The following CDH13 variants were observed in gnomAD, a reference collection of about 807,000 sequenced individuals.
CDH13 encodes the protein cadherin 13, also known as cadherin-13.
Under a neutral mutation model 63.8 loss-of-function variants are expected in CDH13, and 24 were observed. That is an observed-to-expected ratio of 0.38 (90% CI 0.27 to 0.53). The LOEUF (loss-of-function observed/expected upper bound fraction) is 0.53, where lower values mean the gene tolerates loss of function less well. Ranked by LOEUF, CDH13 falls within the 20% of genes least tolerant of loss-of-function variation. The probability of loss-of-function intolerance (pLI) is 0.85; values close to 1 mark genes in which losing one functional copy is unlikely to be tolerated. For missense variants in CDH13, 1,049 were observed against 903.1 expected (o/e 1.16, Z -2.07); for synonymous variants, 503 against 355.3 (o/e 1.42, Z -4.67).
At position 83,210,122 on chromosome 16, in the gene CDH13, T is replaced by C. The variant is rs542444628; in HGVS notation, c.484-7223T>C. On this transcript the variant is annotated intron_variant, in intron 4 of 13. Coordinates refer to ENST00000567109, the MANE Select transcript of CDH13 (RefSeq NM_001257.5). ...CTCTGTCATCCAGGCTAGAGTGCAG[T>C]GGTGTGATCTTGGCTCACTGCAACC... is the stretch of plus-strand genomic sequence containing the variant. 7.3e-5 allele frequency among the ~76,000 whole-genome samples: 11 copies of C among 151,260 alleles called. No individual in the cohort carries two copies. The East Asian group carries it at 2.1e-3, about 29-fold the overall frequency.
At chr16:83,023,519 T>G (rs766873664) in intron 2 of CDH13, among the ~76,000 whole-genome samples, 3 of 152,208 alleles carry the variant, frequency 2.0e-5, no homozygotes, top group Non-Finnish European at 4.4e-5. Context: ...ATAGAGGTTT[T>G]GAGTATTTGT....
intron 1 of CDH13, among the ~76,000 whole-genome samples, chr16:82,751,967 C>T (rs1597474569): frequency 6.6e-6 from 1 of 152,212 alleles, no homozygotes; most frequent in Non-Finnish European, 1.5e-5. Flanking sequence ...CTTCCAGAAA[C>T]ATACAGGCTA....
intron 2 of CDH13, among the ~76,000 whole-genome samples, chr16:82,916,229 C>T (rs575754889): frequency 6.6e-6 from 1 of 152,258 alleles, no homozygotes; most frequent in East Asian, 1.9e-4. Context: ...AACCCACAGG[C>T]TCCCAGGGCC....
chr16:83,167,455 A>G (rs6565146), intron 4 of CDH13, among the ~76,000 whole-genome samples: 66,293 of 147,154 alleles, frequency 0.45, 16,824 homozygotes, highest in African/African-American at 0.69. Flanking sequence ...AGCTGAGATC[A>G]CACCATTGCA....
chr16:83,208,283 T>C (rs1238099174), intron 4 of CDH13, among the ~76,000 whole-genome samples: 2 of 152,178 alleles, frequency 1.3e-5, no homozygotes, highest in African/African-American at 4.8e-5. Flanking sequence ...TTGAGCAGCA[T>C]AAGGGTGAGA....
chr16:82,822,990 A>T (rs1473030059), intron 1 of CDH13, among the ~76,000 whole-genome samples: 1 of 151,996 alleles, frequency 6.6e-6, no homozygotes, highest in Non-Finnish European at 1.5e-5. Context: ...AGAGAGACAA[A>T]CCTCTGAGGG....
At chr16:83,070,363 G>A (rs1365705708) in intron 3 of CDH13, among the ~76,000 whole-genome samples, 1 of 152,156 alleles carries the variant, frequency 6.6e-6, no homozygotes, top group Non-Finnish European at 1.5e-5. Flanking sequence ...AATTCATAAA[G>A]TTGGATTAAA....
At chr16:82,897,725 C>A (rs1371968378) in intron 2 of CDH13, among the ~76,000 whole-genome samples, 1 of 152,252 alleles carries the variant, frequency 6.6e-6, no homozygotes, top group Non-Finnish European at 1.5e-5. Flanking sequence ...TGGAGAAATA[C>A]TCTGCCCTGC....
chr16:83,495,458 G>A (rs139316621), intron 7 of CDH13, among the ~76,000 whole-genome samples: 1 of 152,282 alleles, frequency 6.6e-6, no homozygotes, highest in African/African-American at 2.4e-5. Flanking sequence ...AGGCTTCAGA[G>A]AGACTAGATG....
At chr16:83,319,219 C>G (rs2090169769) in intron 5 of CDH13, among the ~76,000 whole-genome samples, 2 of 152,130 alleles carry the variant, frequency 1.3e-5, no homozygotes, top group East Asian at 3.8e-4. Flanking sequence ...TGTTTACCTA[C>G]TAATGTAATA....
chr16:83,157,188 A>G (rs1435221471), intron 4 of CDH13, among the ~76,000 whole-genome samples: 2 of 152,174 alleles, frequency 1.3e-5, no homozygotes, highest in African/African-American at 4.8e-5. Context: ...TTACTTTTTA[A>G]TAGCTAATTA....
intron 6 of CDH13, among the ~76,000 whole-genome samples, chr16:83,376,490 A>C (rs1051568345): frequency 1.1e-4 from 16 of 152,238 alleles, no homozygotes; most frequent in Non-Finnish European, 1.6e-4. Context: ...CAAAGATGTC[A>C]AAGTGACAGC....
intron 6 of CDH13, among the ~76,000 whole-genome samples, chr16:83,391,283 G>A (rs1338907725): frequency 1.3e-5 from 2 of 150,916 alleles, no homozygotes; most frequent in East Asian, 3.9e-4. Context: ...TTGGCTTACT[G>A]CAACCTCTGC....
intron 7 of CDH13, among the ~76,000 whole-genome samples, chr16:83,531,821 G>C (rs555218046): frequency 1.3e-5 from 2 of 152,268 alleles, no homozygotes; most frequent in African/African-American, 4.8e-5. Flanking sequence ...TTGGACTCCT[G>C]GCCTCCAAAA....
At chr16:83,430,696 A>C (rs181840095) in intron 6 of CDH13, among the ~76,000 whole-genome samples, 1 of 152,336 alleles carries the variant, frequency 6.6e-6, no homozygotes, top group East Asian at 1.9e-4. Context: ...TTTCTCAACA[A>C]GGATCTGAAA....
chr16:82,651,384 A>G (rs905164967), intron 1 of CDH13, among the ~76,000 whole-genome samples: 1 of 152,198 alleles, frequency 6.6e-6, no homozygotes, highest in Non-Finnish European at 1.5e-5. Context: ...CAACCATCAG[A>G]AGCCTGGGAA....
chr16:83,004,310 T>G (rs1251910862), intron 2 of CDH13, among the ~76,000 whole-genome samples: 2 of 152,170 alleles, frequency 1.3e-5, no homozygotes, highest in East Asian at 3.8e-4. Context: ...GAACTTTGAA[T>G]TCACAAAACA....
chr16:83,322,094 A>G (rs527933926), intron 5 of CDH13, among the ~76,000 whole-genome samples: 2 of 152,144 alleles, frequency 1.3e-5, no homozygotes, highest in East Asian at 3.9e-4. Context: ...CTTAAGGAAA[A>G]CAAGGGGCTG....
rs554565507 is a variant in CDH13, at chr16:82,851,429, C to T, written c.46-6933C>T. 3.6e-3 allele frequency among the ~76,000 whole-genome samples: 275 copies of T among 76,038 alleles called. 4 individuals are homozygous for T. Among genetic ancestry groups the T allele is most frequent in the African/African-American group, 0.01 (268 of 26,226 alleles). The allele number at this position is 76,038 out of a possible 152,430, so 49.9% of individuals were successfully genotyped here. On this transcript the variant is annotated intron_variant, in intron 1 of 13. Transcript: ENST00000567109. ...CAGCCTGGGTGACAGAGTGAGATTT[C>T]GTCTCAAAAAAAAAATAAAAAGAAA...
Sources: gnomAD v4.1 joint callset for allele counts (sites outside exome capture counted in the v4.1 genomes callset) on GRCh38, gnomAD v4.1.1 for gene constraint, MANE v1.5 for transcripts, NCBI Gene and HGNC (gene_info 2026-07-23, HGNC 2026-07-21) for gene names.